SCAI: variants seen among roughly 807,000 people sequenced by gnomAD.
The protein encoded by SCAI is suppressor of cancer cell invasion.
SCAI carries 24 observed loss-of-function variants against 92.2 expected under a neutral mutation model. The ratio of observed to expected loss-of-function variants is 0.26; its 90% confidence interval spans 0.19 to 0.37. The LOEUF (loss-of-function observed/expected upper bound fraction) is 0.37. Ranked by LOEUF, SCAI falls within the 10% of genes least tolerant of loss-of-function variation. The pLI, the probability that SCAI is intolerant of heterozygous loss-of-function variation, is 1.00. For missense variants in SCAI, 450 were observed against 736.2 expected (o/e 0.61, Z 4.50); for synonymous variants, 261 against 258.6 (o/e 1.01, Z -0.09).
At chr9:125,127,617 GTGCTA>G (rs1835305041) in intron 2 of SCAI, among the ~76,000 whole-genome samples, 1 of 152,116 alleles carries the variant, frequency 6.6e-6, no homozygotes, top group African/African-American at 2.4e-5. Context: ...AGATTCATAT[GTGCTA>G]TACAGTCAAT....
intron 9 of SCAI, among the ~76,000 whole-genome samples, chr9:125,016,387 CAATAAATA>C (rs77877356): frequency 5.1e-4 from 67 of 131,654 alleles, no homozygotes; most frequent in South Asian, 7.9e-4. Flanking sequence ...GACTCTGTCT[CAATAAATA>C]AATAAATAAA....
intron 2 of SCAI, among the ~76,000 whole-genome samples, chr9:125,088,247 C>T (rs1026775502): frequency 6.6e-6 from 1 of 152,102 alleles, no homozygotes; most frequent in African/African-American, 2.4e-5. Context: ...AGATGCACAC[C>T]ACCATGCTGA....
chr9:125,059,067 T>C (rs972307269), intron 2 of SCAI, among the ~76,000 whole-genome samples: 3 of 152,236 alleles, frequency 2.0e-5, no homozygotes, highest in African/African-American at 4.8e-5. Context: ...CCCCATAAAC[T>C]ACACATTACT....
rs764269336 is a variant in SCAI, at chr9:125,003,484, A to T, written c.948T>A (p.Asn316Lys). 27 of 1,610,162 alleles carry T rather than the reference A, an allele frequency of 1.7e-5. No individual in the cohort carries two copies. The highest frequency in any genetic ancestry group is 2.2e-5 in the Non-Finnish European group (26 of 1,176,452). ...AGGAGATTACCTGCATTCCTGGTTT[A>T]TTCATCTGGGAAGCTAAATTCATTG... is the stretch of plus-strand genomic sequence containing the variant. ...REPMNLASQM[N>K]KPGMQESADK... Residue 316 changes from asparagine to lysine, a missense_variant, in exon 10 of 18, where the codon AAT (asparagine) becomes AAA (lysine). Asn to Lys is a moderately conservative substitution (Grantham distance 94). Transcript: ENST00000336505.
intron 2 of SCAI, among the ~76,000 whole-genome samples, chr9:125,126,936 C>T (rs1564424685): frequency 6.6e-6 from 1 of 152,108 alleles, no homozygotes; most frequent in Non-Finnish European, 1.5e-5. Context: ...GAGGTTTGTG[C>T]ATGTTTTCTG....
At chr9:125,111,366 A>G (rs1232270380) in intron 2 of SCAI, among the ~76,000 whole-genome samples, 1 of 152,186 alleles carries the variant, frequency 6.6e-6, no homozygotes, top group Non-Finnish European at 1.5e-5. Flanking sequence ...TTCTACTTCT[A>G]TCCAAGGTAT....
intron 2 of SCAI, among the ~76,000 whole-genome samples, chr9:125,100,279 G>A (rs969339650): frequency 9.2e-5 from 14 of 152,200 alleles, no homozygotes; most frequent in Admixed American, 9.2e-4. Context: ...AGAAAAAGTA[G>A]TAATAAAAGC....
intron 3 of SCAI, among the ~76,000 whole-genome samples, chr9:125,032,284 C>T (rs1321503194): frequency 8.8e-5 from 13 of 146,930 alleles, no homozygotes; most frequent in African/African-American, 1.5e-4. Flanking sequence ...CTCCACCTCC[C>T]GGGTTCAAGT....
rs1831238012 is a variant in SCAI, at chr9:124,951,695, CAAG to C, written c.*1109_*1111del. On this transcript the variant is annotated 3_prime_UTR_variant, in exon 18 of 18. Coordinates refer to ENST00000336505, the MANE Select transcript of SCAI (RefSeq NM_001144877.3). The stretch of plus-strand genomic sequence containing the variant: ...TCAAAAAGGAGGGAGGACTTCATAG[CAAG>C]TGACTGTGAAATTATAAAGGGAATG... 2 of 151,590 alleles carry C rather than the reference CAAG, an allele frequency of 1.3e-5. No homozygotes were observed. Among genetic ancestry groups the C allele is most frequent in the Admixed American group, 6.6e-5 (1 of 15,224 alleles). The allele number at this position is 151,590 out of a possible 1,614,324, so 9.4% of individuals were successfully genotyped here.
intron 17 of SCAI, among the ~76,000 whole-genome samples, chr9:124,962,179 G>GGC (rs1831452230): frequency 1.4e-5 from 2 of 141,558 alleles, no homozygotes; most frequent in Admixed American, 7.1e-5. Flanking sequence ...TTGCGGGGGG[G>GGC]GATGGAGTCT....
At chr9:125,013,784 A>G (rs1832689435) in intron 9 of SCAI, among the ~76,000 whole-genome samples, 2 of 152,180 alleles carry the variant, frequency 1.3e-5, no homozygotes, top group Non-Finnish European at 2.9e-5. Context: ...TCCTCAATAA[A>G]ATACTGGCAA....
intron 13 of SCAI, among the ~76,000 whole-genome samples, chr9:124,997,827 G>C (rs1832270433): frequency 7.0e-6 from 1 of 143,740 alleles, no homozygotes; most frequent in African/African-American, 2.6e-5. Flanking sequence ...AGTGAGCCAA[G>C]ATAGTGCCAC....
chr9:125,040,624 G>A (rs78472018), intron 3 of SCAI, among the ~76,000 whole-genome samples: 1 of 140,152 alleles, frequency 7.1e-6, no homozygotes, highest in East Asian at 3.3e-4. Context: ...TCCCTGTTTT[G>A]TTTATTTATT....
At chr9:125,001,061 A>C (rs927718843) in intron 12 of SCAI, among the ~76,000 whole-genome samples, 1 of 152,218 alleles carries the variant, frequency 6.6e-6, no homozygotes, top group African/African-American at 2.4e-5. Flanking sequence ...TATAAATAAA[A>C]GTACTAACAT....
Position 125,092,131 on chromosome 9 carries a change from T to TAAAAAAAAAA in SCAI, c.99-36134_99-36125dup, listed in dbSNP as rs71374225. On this transcript the variant is annotated intron_variant, in intron 2 of 17. Coordinates refer to ENST00000336505, the MANE Select transcript of SCAI (RefSeq NM_001144877.3). ...GGCGACAGAGCAAGACTCCGTCTCT[T>TAAAAAAAAAA]AAAAAAAAAAAAAAAAAAAAAAAAA... Among the ~76,000 whole-genome samples, 4 of 61,104 alleles carry TAAAAAAAAAA rather than the reference T, an allele frequency of 6.5e-5. 1 individual carries two copies. The highest frequency in any genetic ancestry group is 9.5e-5 in the Non-Finnish European group (3 of 31,520). 40.1% of individuals were successfully genotyped at this position (61,104 alleles called of 152,430 possible).
chr9:124,976,580 ATC>A (rs1248181799), intron 14 of SCAI, among the ~76,000 whole-genome samples: 1 of 152,180 alleles, frequency 6.6e-6, no homozygotes, highest in Non-Finnish European at 1.5e-5. Flanking sequence ...TCCTGGAGTC[ATC>A]TCTTATTGTG....
chr9:125,137,466 A>G (rs758106198), intron 2 of SCAI, among the ~76,000 whole-genome samples: 14 of 152,218 alleles, frequency 9.2e-5, no homozygotes, highest in Non-Finnish European at 4.4e-5. Flanking sequence ...TATAGTCCCC[A>G]CAGTGTACGC....
At chr9:125,017,399 C>T (rs948756844) in intron 9 of SCAI, among the ~76,000 whole-genome samples, 2 of 151,792 alleles carry the variant, frequency 1.3e-5, no homozygotes, top group African/African-American at 4.8e-5. Context: ...TATAACTATA[C>T]AAACCATAAA....
intron 2 of SCAI, among the ~76,000 whole-genome samples, chr9:125,083,517 CAAAAAAAAAAA>C (rs560240303): frequency 2.0e-5 from 1 of 49,130 alleles, no homozygotes; most frequent in African/African-American, 7.0e-5. Flanking sequence ...GACTCCATCT[CAAAAAAAAAAA>C]AAAAAAAAAA....
Sources: allele counts gnomAD v4.1 joint callset (sites outside exome capture counted in the v4.1 genomes callset), GRCh38; gene constraint gnomAD v4.1.1; transcripts MANE v1.5; gene names NCBI Gene and HGNC (gene_info 2026-07-23, HGNC 2026-07-21).